Variants in PPARGC1A observed in about 807,000 individuals in gnomAD.
PPARGC1A encodes peroxisome proliferator-activated receptor gamma coactivator 1-alpha.
Under a neutral mutation model 88.7 loss-of-function variants are expected in PPARGC1A, and 25 were observed. That is an observed-to-expected ratio of 0.28 (90% CI 0.21 to 0.39). The LOEUF is 0.39. Ranked by LOEUF, PPARGC1A falls within the 10% of genes least tolerant of loss-of-function variation. PPARGC1A has a pLI of 1.00. For missense variants in PPARGC1A, 880 were observed against 968.7 expected, an observed-to-expected ratio of 0.91 and a Z score of 1.22; for synonymous variants, 363 against 355.6, an observed-to-expected ratio of 1.02 and a Z score of -0.24.
At chr4:23,878,511 T>C (rs1403534714) in intron 2 of PPARGC1A, among the ~76,000 whole-genome samples, 1 of 152,108 alleles carries the variant, frequency 6.6e-6, no homozygotes, top group Non-Finnish European at 1.5e-5. Context: ...GACAGAGCCC[T>C]GTGGGTCAGA....
At chr4:24,230,155 C>G in the PPARGC1A span, among the ~76,000 whole-genome samples, 1 of 152,192 alleles carries the variant, frequency 6.6e-6, no homozygotes, top group Admixed American at 6.5e-5. Context: ...CAGCGCTGCT[C>G]TTAGCAACTC....
At chr4:24,238,368 A>G in the PPARGC1A span, among the ~76,000 whole-genome samples, 2 of 152,238 alleles carry the variant, frequency 1.3e-5, no homozygotes, top group African/African-American at 4.8e-5. Flanking sequence ...CTGATTAGCT[A>G]GAGAACTTGC....
chr4:24,160,424 G>A, the PPARGC1A span, among the ~76,000 whole-genome samples: 2 of 152,188 alleles, frequency 1.3e-5, no homozygotes, highest in African/African-American at 4.8e-5. Flanking sequence ...ATTGGAACTG[G>A]TGTGCAGTTT....
chr4:24,322,750 C>T, the PPARGC1A span, among the ~76,000 whole-genome samples: 1 of 152,232 alleles, frequency 6.6e-6, no homozygotes, highest in Non-Finnish European at 1.5e-5. Context: ...TGACTCAGGG[C>T]TTCATGATTT....
At chr4:24,229,759 C>A in the PPARGC1A span, among the ~76,000 whole-genome samples, 1 of 150,916 alleles carries the variant, frequency 6.6e-6, no homozygotes, top group African/African-American at 2.4e-5. Flanking sequence ...ACAGGAGAAT[C>A]ACTTGAACCC....
chr4:23,934,876 A>C, the PPARGC1A span, among the ~76,000 whole-genome samples: 3 of 152,314 alleles, frequency 2.0e-5, no homozygotes, highest in African/African-American at 7.2e-5. Flanking sequence ...AACAAAAAAC[A>C]ATTGCCACTG....
the PPARGC1A span, among the ~76,000 whole-genome samples, chr4:24,372,690 A>G: frequency 2.0e-5 from 3 of 152,200 alleles, no homozygotes; most frequent in African/African-American, 2.4e-5. Flanking sequence ...TTGTAGCTAC[A>G]CAGGCCTGGT....
chr4:23,832,600 CTTTTTCTTTT>C (rs1368668596), intron 2 of PPARGC1A, among the ~76,000 whole-genome samples: 2 of 146,678 alleles, frequency 1.4e-5, no homozygotes, highest in African/African-American at 5.2e-5. Flanking sequence ...ATTTCTTTTT[CTTTTTCTTTT>C]TCTTTTTTTT....
At chr4:24,225,303 C>A in the PPARGC1A span, among the ~76,000 whole-genome samples, 285 of 152,252 alleles carry the variant, frequency 1.9e-3, 1 homozygote, top group African/African-American at 6.6e-3. Context: ...GGCACGGTGG[C>A]TCACGCCTCT....
chr4:24,075,367 T>C, the PPARGC1A span, among the ~76,000 whole-genome samples: 2 of 152,202 alleles, frequency 1.3e-5, no homozygotes, highest in Non-Finnish European at 2.9e-5. Flanking sequence ...TAGCAACTTC[T>C]CAGAACCATC....
the PPARGC1A span, among the ~76,000 whole-genome samples, chr4:24,179,547 TGA>T: frequency 6.6e-6 from 1 of 152,036 alleles, no homozygotes; most frequent in Non-Finnish European, 1.5e-5. Context: ...TGCTAGATAA[TGA>T]GAGACATGTA....
the PPARGC1A span, among the ~76,000 whole-genome samples, chr4:24,030,578 T>C: frequency 2.6e-5 from 4 of 152,306 alleles, no homozygotes; most frequent in African/African-American, 7.2e-5. Context: ...ACTGTTCCCA[T>C]TATTTCCCTT....
the PPARGC1A span, among the ~76,000 whole-genome samples, chr4:24,472,874 C>T: frequency 2.7e-5 from 4 of 150,092 alleles, no homozygotes; most frequent in East Asian, 8.0e-4. The surrounding 1 kb of genome is among the most constrained non-coding windows in gnomAD (Gnocchi z 4.5). Flanking sequence ...GGGATGGAGG[C>T]GCAGAGGCAG....
chr4:23,924,793 G>A, the PPARGC1A span, among the ~76,000 whole-genome samples: 3 of 152,102 alleles, frequency 2.0e-5, no homozygotes, highest in Admixed American at 1.3e-4. Flanking sequence ...AAGTGTGCCA[G>A]GATGTGATTT....
intron 2 of PPARGC1A, among the ~76,000 whole-genome samples, chr4:23,854,248 A>G (rs1461960350): frequency 1.3e-5 from 2 of 152,166 alleles, no homozygotes; most frequent in Non-Finnish European, 2.9e-5. Flanking sequence ...GTTTTAAGTA[A>G]TGTTGCCAGG....
At chr4:23,823,218 C>A (rs1041398640) in intron 7 of PPARGC1A, among the ~76,000 whole-genome samples, 3 of 151,776 alleles carry the variant, frequency 2.0e-5, no homozygotes, top group African/African-American at 7.3e-5. Flanking sequence ...TTATAAAAAT[C>A]TAGAAGAATT....
At chr4:24,434,297 C>A in the PPARGC1A span, among the ~76,000 whole-genome samples, 1 of 152,128 alleles carries the variant, frequency 6.6e-6, no homozygotes, top group African/African-American at 2.4e-5. Flanking sequence ...AGATTTTTCA[C>A]GGAGGATTTG....
At chr4:24,112,221 G>A in the PPARGC1A span, among the ~76,000 whole-genome samples, 1,459 of 152,312 alleles carry the variant, frequency 9.6e-3, 25 homozygotes, top group African/African-American at 0.033. Context: ...ATGTAAGACA[G>A]TAGGGAATGG....
chr4:24,298,948 G>A, the PPARGC1A span, among the ~76,000 whole-genome samples: 21 of 152,270 alleles, frequency 1.4e-4, no homozygotes, highest in African/African-American at 5.1e-4. Context: ...AATGTTTAAT[G>A]ATAAGAACCT....
Sources: allele counts gnomAD v4.1 joint callset (sites outside exome capture counted in the v4.1 genomes callset), GRCh38; gene constraint gnomAD v4.1.1; non-coding constraint Gnocchi (gnomAD v3.1); transcripts MANE v1.5; gene names NCBI Gene and HGNC (gene_info 2026-07-23, HGNC 2026-07-21).